MED25: variants seen among roughly 807,000 people sequenced by gnomAD.
MED25 encodes mediator of RNA polymerase II transcription subunit 25.
A neutral mutation model predicts 89.4 loss-of-function variants in MED25; 62 were observed. That is an observed-to-expected ratio of 0.69 (90% CI 0.57 to 0.86). The LOEUF (loss-of-function observed/expected upper bound fraction) is 0.86. Ranked by LOEUF, MED25 falls within the 40% of genes least tolerant of loss-of-function variation. MED25 has a pLI of 0.00. For missense variants in MED25, 905 were observed against 1,005.2 expected (o/e 0.90, Z 1.35); for synonymous variants, 449 against 427.9 (o/e 1.05, Z -0.61).
In MED25 at chr19:49,835,889, C is replaced by T; in HGVS notation, c.1909C>T (p.Pro637Ser). ...GPPPPGPILR[P>S]QNPGANPQLR... The stretch of plus-strand genomic sequence containing the variant: ...ACCCCCTCCTGGACCCATCCTTCGG[C>T]CCCAGAACCCTGGGGCCAACCCTCA... The change falls in exon 16 of 18, where the codon CCC becomes TCC. Residue 637 changes from proline to serine, a missense_variant. Pro to Ser is a moderately conservative substitution (Grantham distance 74, BLOSUM62 -1). Transcript: ENST00000312865. This position sits in a 1 kb window ranked among gnomAD's most constrained non-coding sequence, Gnocchi z 6.2. 5.0e-6 allele frequency: 8 copies of T among 1,612,768 alleles called. No individual in the cohort carries two copies. The highest frequency in any genetic ancestry group is 6.8e-6 in the Non-Finnish European group (8 of 1,179,888).
Position 49,830,901 on chromosome 19 carries a change from C to A in MED25, c.1101+14C>A, listed in dbSNP as rs922046069. On this transcript the variant is annotated intron_variant, in intron 9 of 17. Transcript: ENST00000312865. This position sits in a 1 kb window ranked among gnomAD's most constrained non-coding sequence, Gnocchi z 4.6. ...GCACCGTCCATGGTAGGTGCCTGCA[C>A]GCCTCCTGCCCCTGCTCCTTCCTCC... is the stretch of plus-strand genomic sequence containing the variant. The A allele has an allele frequency of 6.3e-7, 1 of 1,596,796 alleles. No individual in the cohort carries two copies. Among genetic ancestry groups the A allele is most frequent in the African/African-American group, 1.3e-5 (1 of 74,702 alleles).
chr19:49,838,372 C>T (rs572893229), downstream of MED25: 42 of 356,710 alleles, frequency 1.2e-4, 1 homozygote, highest in South Asian at 6.5e-4. Context: ...CCCCTGGGCC[C>T]GCCCTTCTGC....
At position 49,836,011 on chromosome 19, in the gene MED25, C is replaced by A; in HGVS notation, c.1965+66C>A. On this transcript the variant is annotated intron_variant, in intron 16 of 17. Coordinates refer to ENST00000312865, the MANE Select transcript of MED25 (RefSeq NM_030973.4). This position sits in a 1 kb window ranked among gnomAD's most constrained non-coding sequence, Gnocchi z 5.1. ...GCCCTGGTGGTTCTGGTCCTGTTGT[C>A]TGGGAGGAGGGAGGTTGACTGTGGT... is the stretch of plus-strand genomic sequence containing the variant. The A allele has an allele frequency of 6.3e-7, 1 of 1,584,818 alleles. No homozygotes were observed. Among genetic ancestry groups the A allele is most frequent in the Non-Finnish European group, 8.6e-7 (1 of 1,167,060 alleles).
At chr19:49,823,219 G>C (rs1421698372) in intron 3 of MED25, among the ~76,000 whole-genome samples, 1 of 152,124 alleles carries the variant, frequency 6.6e-6, no homozygotes, top group African/African-American at 2.4e-5. Flanking sequence ...CTCCCTAAGT[G>C]CTGGAGTGCT....
intron 3 of MED25, among the ~76,000 whole-genome samples, chr19:49,824,717 T>C (rs993339162): frequency 6.6e-6 from 1 of 152,224 alleles, no homozygotes; most frequent in Non-Finnish European, 1.5e-5. Flanking sequence ...CAAATCGTCC[T>C]GGGCACCAAG....
At position 49,836,560 on chromosome 19, in the gene MED25, G is replaced by T; in HGVS notation, c.2146+154G>T. The T allele has an allele frequency of 1.0e-6, 1 of 956,256 alleles. No homozygotes were observed. Among genetic ancestry groups the T allele is most frequent in the East Asian group, 2.6e-5 (1 of 38,300 alleles). 59.2% of individuals were successfully genotyped at this position (956,256 alleles called of 1,614,324 possible). ...CTTTGCGGAGCTCTGAGGGCTCCGG[G>T]AAAGTACAGCCCATGGGTCCAAGGA... On this transcript the variant is annotated intron_variant, in intron 17 of 17. Coordinates refer to ENST00000312865, the MANE Select transcript of MED25 (RefSeq NM_030973.4). This position sits in a 1 kb window ranked among gnomAD's most constrained non-coding sequence, Gnocchi z 5.1.
chr19:49,826,554 C>G (rs1041355498), intron 3 of MED25, among the ~76,000 whole-genome samples: 40 of 152,210 alleles, frequency 2.6e-4, no homozygotes, highest in African/African-American at 8.2e-4. Flanking sequence ...CACCAGTGCA[C>G]TGAGTACTCA....
At position 49,830,586 on chromosome 19, in the gene MED25, C is replaced by T; in HGVS notation, c.895C>T (p.Leu299=). 3 of 1,614,164 alleles carry T rather than the reference C, an allele frequency of 1.9e-6. No individual in the cohort carries two copies. The highest frequency in any genetic ancestry group is 2.5e-6 in the Non-Finnish European group (3 of 1,179,998). The change falls in exon 8 of 18, where the codon CTG becomes TTG. Residue 299 remains leucine (L), a synonymous_variant. Transcript: ENST00000312865. The surrounding 1 kb of genome is among the most constrained non-coding windows in gnomAD (Gnocchi z 4.6). Reference sequence around the variant, plus strand: ...GGCTGCCAAGAACCAGAAGGCTGGGCTGGGCCCTCGCTGTGAGTCCTGGAG... The same window carrying T: ...GGCTGCCAAGAACCAGAAGGCTGGGTTGGGCCCTCGCTGTGAGTCCTGGAG... The part of the protein sequence containing the change: ...VEAAKNQKAG[L]GPRFSPITPL...
At position 49,824,904 on chromosome 19, in the gene MED25, G is replaced by A. The variant is rs75791441; in HGVS notation, c.306-3545G>A. Among the ~76,000 whole-genome samples the A allele has an allele frequency of 5.2e-3, 794 of 152,250 alleles. 6 individuals are homozygous for A. Among genetic ancestry groups the A allele is most frequent in the African/African-American group, 0.018 (762 of 41,536 alleles). On this transcript the variant is annotated intron_variant, in intron 3 of 17. Coordinates refer to ENST00000312865, the MANE Select transcript of MED25 (RefSeq NM_030973.4). ...GATGAAAGCGGGCAGCAGAGACCCC[G>A]GGGAATGATACTGGGTAGAACAAAT...
intron 4 of MED25, 94 bp from the exon 5 acceptor site, chr19:49,828,876 G>A: frequency 6.3e-7 from 1 of 1,577,328 alleles, no homozygotes; most frequent in South Asian, 1.1e-5. Context: ...TTCCATGTGA[G>A]GCGGAATATG....
intron 3 of MED25, among the ~76,000 whole-genome samples, chr19:49,823,903 G>A (rs549699236): frequency 6.6e-6 from 1 of 152,048 alleles, no homozygotes; most frequent in East Asian, 1.9e-4. Flanking sequence ...ACTAGATGCC[G>A]GTAGCCCCCT....
In MED25 at chr19:49,835,206, C is replaced by G. The variant is rs746504088; in HGVS notation, c.1674+29C>G. 1 of 1,612,188 alleles carries G rather than the reference C, an allele frequency of 6.2e-7. No individual in the cohort carries two copies. The highest frequency in any genetic ancestry group is 2.2e-5 in the East Asian group (1 of 44,878). ...AGTGTTGACAGTCCCCAAACCAGCACTCCGACCCCCTCCTGCCCGGGCCCC... is the reference window on the plus strand; with the variant it reads ...AGTGTTGACAGTCCCCAAACCAGCAGTCCGACCCCCTCCTGCCCGGGCCCC... On this transcript the variant is annotated intron_variant, in intron 14 of 17. Transcript: ENST00000312865. The surrounding 1 kb of genome is among the most constrained non-coding windows in gnomAD (Gnocchi z 6.2).
At position 49,836,510 on chromosome 19, in the gene MED25, C is replaced by T. The variant is rs1218409004; in HGVS notation, c.2146+104C>T. Reference sequence around the variant, plus strand: ...CTCCTGGGAAGTAAAGACATAGGATCCAAGAATGAGGGTTCCCCCATGGCC... The same window carrying T: ...CTCCTGGGAAGTAAAGACATAGGATTCAAGAATGAGGGTTCCCCCATGGCC... On this transcript the variant is annotated intron_variant, in intron 17 of 17. Transcript: ENST00000312865. The surrounding 1 kb of genome is among the most constrained non-coding windows in gnomAD (Gnocchi z 5.1). 1.4e-6 allele frequency: 2 copies of T among 1,392,406 alleles called. No homozygotes were observed. Among genetic ancestry groups the T allele is most frequent in the African/African-American group, 1.4e-5 (1 of 69,982 alleles). 86.3% of individuals were successfully genotyped at this position (1,392,406 alleles called of 1,614,324 possible). A position where few individuals can be genotyped will look rare whatever the true frequency, so the allele number is the denominator to read the frequency against.
intron 13 of MED25, chr19:49,832,760 G>GTGT: frequency 2.7e-6 from 1 of 374,772 alleles, no homozygotes; most frequent in South Asian, 2.2e-5. Context: ...CAACAGAAAC[G>GTGT]TGTTCTATCC....
chr19:49,827,533 G>T (rs1427078735), intron 3 of MED25, among the ~76,000 whole-genome samples: 1 of 152,108 alleles, frequency 6.6e-6, no homozygotes, highest in Non-Finnish European at 1.5e-5. Flanking sequence ...GTGTCTCTCT[G>T]TGTCCTTGTG....
At chr19:49,825,993 G>A (rs2074012800) in intron 3 of MED25, among the ~76,000 whole-genome samples, 1 of 152,112 alleles carries the variant, frequency 6.6e-6, no homozygotes, top group East Asian at 1.9e-4. Flanking sequence ...GAACAGCTGG[G>A]TCCAGAGTTG....
chr19:49,819,465 G>A, intron 3 of MED25, 169 bp downstream of exon 3: 2 of 717,352 alleles, frequency 2.8e-6, no homozygotes, highest in Non-Finnish European at 4.7e-6. Context: ...GGGGTGGTTG[G>A]GGTCCCTGCG....
chr19:49,826,158 G>A (rs922194442), intron 3 of MED25, among the ~76,000 whole-genome samples: 4 of 151,950 alleles, frequency 2.6e-5, no homozygotes, highest in Admixed American at 6.6e-5. Flanking sequence ...GGATAACACC[G>A]TGAAACCCCG....
Position 49,829,024 on chromosome 19 carries a change from G to T in MED25, c.459G>T (p.Leu153Phe), listed in dbSNP as rs1461710400. 1 of 1,614,110 alleles carries T rather than the reference G, an allele frequency of 6.2e-7. No individual in the cohort carries two copies. Among genetic ancestry groups the T allele is most frequent in the Non-Finnish European group, 8.5e-7 (1 of 1,180,020 alleles). The change falls in exon 5 of 18, where the codon TTG becomes TTT. Residue 153 changes from leucine to phenylalanine, a missense_variant. Leu to Phe is a conservative substitution (Grantham distance 22). This residue lies in a region of MED25 where 501 missense variants were observed against 526.9 expected (regional missense o/e 0.95). Transcript: ENST00000312865. This position sits in a 1 kb window ranked among gnomAD's most constrained non-coding sequence, Gnocchi z 4.6. The part of the protein sequence containing the change: ...LLICNSPPYL[L>F]PAVESTTYSG... ...TCTGCAACTCACCCCCATACTTGTTGCCTGCTGTTGAGAGCACCACGTACT... is the reference window on the plus strand; with the variant it reads ...TCTGCAACTCACCCCCATACTTGTTTCCTGCTGTTGAGAGCACCACGTACT...
Sources: gnomAD v4.1 joint callset for allele counts (sites outside exome capture counted in the v4.1 genomes callset) on GRCh38, gnomAD v4.1.1 for gene constraint, gnomAD v4.1.1 regional missense constraint, Gnocchi (gnomAD v3.1) non-coding constraint, MANE v1.5 for transcripts, NCBI Gene and HGNC (gene_info 2026-07-23, HGNC 2026-07-21) for gene names.